PFDN1: variants seen among roughly 807,000 people sequenced by gnomAD.
PFDN1 encodes prefoldin subunit 1, also known as prefoldin 1.
A neutral mutation model predicts 17.3 loss-of-function variants in PFDN1; 6 were observed. That is an observed-to-expected ratio of 0.35 (90% CI 0.19 to 0.69). The LOEUF is 0.69. PFDN1 is among the 30% of genes least tolerant of loss of function. The probability of loss-of-function intolerance (pLI) is 0.65; values close to 1 mark genes in which losing one functional copy is unlikely to be tolerated. For synonymous variants in PFDN1, 58 were observed against 50.1 expected (o/e 1.16, Z -0.67); for missense variants, 113 against 146.2 (o/e 0.77, Z 1.17).
chr5:140,264,809 C>T (rs1198603000), intron 3 of PFDN1, among the ~76,000 whole-genome samples: 2 of 152,094 alleles, frequency 1.3e-5, no homozygotes, highest in Non-Finnish European at 2.9e-5. Flanking sequence ...CACGCCACTG[C>T]ACTCCAGCCT....
In PFDN1 at chr5:140,254,369, CTCAT is replaced by C. The variant is rs1764957294; in HGVS notation, c.286-8316_286-8313del. Among the ~76,000 whole-genome samples the C allele has an allele frequency of 6.6e-6, 1 of 152,222 alleles. No homozygotes were observed. The highest frequency in any genetic ancestry group is 2.1e-4 in the South Asian group (1 of 4,832). On this transcript the variant is annotated intron_variant, in intron 3 of 3. Transcript: ENST00000261813. The surrounding 1 kb of genome is among the most constrained non-coding windows in gnomAD (Gnocchi z 4.4). ...TTCCATCTGTCCATCCTTCCATCCA[CTCAT>C]TCAGCTCACTGCCAAACCATTTCCC...
intron 2 of PFDN1, among the ~76,000 whole-genome samples, chr5:140,298,815 C>T (rs1208133359): frequency 6.6e-6 from 1 of 151,330 alleles, no homozygotes; most frequent in African/African-American, 2.4e-5. Flanking sequence ...AGTGTAATGG[C>T]GCAATCTCGG....
chr5:140,278,122 C>T (rs762990335), intron 3 of PFDN1, among the ~76,000 whole-genome samples: 2 of 151,608 alleles, frequency 1.3e-5, no homozygotes, highest in Non-Finnish European at 2.9e-5. Context: ...GCAGAAGAAT[C>T]GCTTGAACCC....
intron 3 of PFDN1, among the ~76,000 whole-genome samples, chr5:140,279,973 C>A (rs1581092690): frequency 1.3e-5 from 1 of 79,394 alleles, no homozygotes; most frequent in African/African-American, 5.0e-5. Flanking sequence ...TCAGCCTGGG[C>A]AACAAGAGCG....
intron 3 of PFDN1, among the ~76,000 whole-genome samples, chr5:140,262,708 T>A (rs1267946436): frequency 6.6e-6 from 1 of 152,162 alleles, no homozygotes. Flanking sequence ...TGATAGCTGT[T>A]GCTTCTGGTG....
At chr5:140,248,905 C>G (rs534078393) in intron 3 of PFDN1, among the ~76,000 whole-genome samples, 1 of 152,356 alleles carries the variant, frequency 6.6e-6, no homozygotes, top group South Asian at 2.1e-4. Context: ...GCCTCAAACT[C>G]CTGGGCTCCA....
At chr5:140,272,931 G>A (rs1165674347) in intron 3 of PFDN1, among the ~76,000 whole-genome samples, 1 of 152,126 alleles carries the variant, frequency 6.6e-6, no homozygotes, top group Non-Finnish European at 1.5e-5. Context: ...TAAACTTAGA[G>A]CTATGCAAGC....
chr5:140,300,255 C>T (rs1765722275), intron 2 of PFDN1, among the ~76,000 whole-genome samples, 161 bp downstream of exon 2: 1 of 152,086 alleles, frequency 6.6e-6, no homozygotes, highest in African/African-American at 2.4e-5. Context: ...GGCCAACAGG[C>T]TGCCCTCAAG....
chr5:140,246,006 G>C lies in PFDN1; in HGVS notation c.337C>G (p.Arg113Gly), dbSNP rs753965486. The change falls in exon 4 of 4, where the codon CGG (arginine) becomes GGG (glycine). Residue 113 changes from arginine (R) to glycine (G), a missense_variant. Coordinates refer to ENST00000261813, the MANE Select transcript of PFDN1 (RefSeq NM_002622.5). ...GCCCTTCGTGCCATCAGCATCTCCCGGATGTTGTCCTCAGCTTCCTTAACG... is the reference window on the plus strand; with the variant it reads ...GCCCTTCGTGCCATCAGCATCTCCCCGATGTTGTCCTCAGCTTCCTTAACG... The part of the protein sequence containing the change: ...RSVKEAEDNI[R>G]EMLMARRAQ The C allele has an allele frequency of 1.3e-6, 2 of 1,561,970 alleles. No homozygotes were observed. The highest frequency in any genetic ancestry group is 1.4e-5 in the African/African-American group (1 of 73,796).
At chr5:140,299,099 A>G in intron 2 of PFDN1, among the ~76,000 whole-genome samples, 1 of 152,166 alleles carries the variant, frequency 6.6e-6, no homozygotes, top group East Asian at 1.9e-4. Context: ...TTATTTTACA[A>G]CACTGATCAG....
intron 3 of PFDN1, among the ~76,000 whole-genome samples, chr5:140,250,832 G>A (rs1231275211): frequency 6.6e-6 from 1 of 152,060 alleles, no homozygotes; most frequent in Admixed American, 6.5e-5. Context: ...CCCTGCCCCT[G>A]GATATACACA....
rs940373398 is a variant in PFDN1 at position 140,245,594 on chromosome 5, C to T, written c.*380G>A. On this transcript the variant is annotated 3_prime_UTR_variant, in exon 4 of 4. Coordinates refer to ENST00000261813, the MANE Select transcript of PFDN1 (RefSeq NM_002622.5). Reference sequence around the variant, plus strand: ...GGAGACGGCCACTGCCTCTCTCACCCTCTGTTCCATCCCTCTGCTCAAGAA... The same window carrying T: ...GGAGACGGCCACTGCCTCTCTCACCTTCTGTTCCATCCCTCTGCTCAAGAA... 7.1e-6 allele frequency: 5 copies of T among 701,964 alleles called. No homozygotes were observed. In the African/African-American group the frequency reaches 8.7e-5, roughly 12 times the overall value. The allele number at this position is 701,964 out of a possible 1,614,324, so 43.5% of individuals were successfully genotyped here.
intron 3 of PFDN1, among the ~76,000 whole-genome samples, chr5:140,261,490 T>C (rs549035111): frequency 3.3e-5 from 5 of 151,900 alleles, no homozygotes; most frequent in Middle Eastern, 3.4e-3. Context: ...ACTAAAAAAA[T>C]AGAGATACGG....
Position 140,248,931 on chromosome 5 carries a change from T to G in PFDN1, c.286-2874A>C, listed in dbSNP as rs139655323. ...CTGGGCTCCAGCAATCCTCTTGCCT[T>G]AGAGGCATGTGCCACGATACTGCCT... is the stretch of plus-strand genomic sequence containing the variant. On this transcript the variant is annotated intron_variant, in intron 3 of 3. Transcript: ENST00000261813. 9.3e-3 allele frequency among the ~76,000 whole-genome samples: 1,412 copies of G among 152,372 alleles called. 15 individuals carry two copies. The highest frequency in any genetic ancestry group is 0.018 in the South Asian group (86 of 4,834).
chr5:140,250,639 G>C (rs1045458127), intron 3 of PFDN1, among the ~76,000 whole-genome samples: 3 of 152,196 alleles, frequency 2.0e-5, no homozygotes, highest in African/African-American at 7.2e-5. Context: ...CACATAATAG[G>C]AATTTAATGT....
chr5:140,253,733 C>T (rs1374508322), intron 3 of PFDN1, among the ~76,000 whole-genome samples: 10 of 152,180 alleles, frequency 6.6e-5, no homozygotes, highest in Non-Finnish European at 1.5e-4. Context: ...TGGGGTCAAG[C>T]GATGGGCAGC....
intron 2 of PFDN1, among the ~76,000 whole-genome samples, chr5:140,294,422 T>C (rs1274448650): frequency 3.9e-5 from 6 of 152,044 alleles, no homozygotes; most frequent in Admixed American, 3.9e-4. Flanking sequence ...ACCAACTCTA[T>C]AGCTACATGA....
intron 3 of PFDN1, among the ~76,000 whole-genome samples, chr5:140,256,254 C>T (rs1764984135): frequency 6.6e-6 from 1 of 152,086 alleles, no homozygotes; most frequent in African/African-American, 2.4e-5. Context: ...GTGGCTCACA[C>T]CTGTAATCTC....
chr5:140,270,941 AT>A (rs1459293087), intron 3 of PFDN1, among the ~76,000 whole-genome samples: 1 of 152,042 alleles, frequency 6.6e-6, no homozygotes, highest in Admixed American at 6.6e-5. Flanking sequence ...AAAAGAACCA[AT>A]CTATTTGAAC....
Sources: allele counts gnomAD v4.1 joint callset (sites outside exome capture counted in the v4.1 genomes callset), GRCh38; gene constraint gnomAD v4.1.1; non-coding constraint Gnocchi (gnomAD v3.1); transcripts MANE v1.5; gene names NCBI Gene and HGNC (gene_info 2026-07-23, HGNC 2026-07-21).